MAGI2: variants seen among roughly 807,000 people sequenced by gnomAD.
MAGI2 encodes membrane-associated guanylate kinase, WW and PDZ domain-containing protein 2.
A neutral mutation model predicts 133.3 loss-of-function variants in MAGI2; 35 were observed. That is an observed-to-expected ratio of 0.26 (90% confidence interval 0.20 to 0.35). The LOEUF is 0.35. Ranked by LOEUF, MAGI2 falls within the 10% of genes least tolerant of loss-of-function variation. The probability of loss-of-function intolerance (pLI) is 1.00; values close to 1 mark genes in which losing one functional copy is unlikely to be tolerated. For missense variants in MAGI2, 1,636 were observed against 1,863.4 expected (o/e 0.88, Z 2.25); for synonymous variants, 729 against 710.6 (o/e 1.03, Z -0.41).
chr7:78,431,387 T>G (rs1799782822), intron 6 of MAGI2, among the ~76,000 whole-genome samples: 1 of 152,050 alleles, frequency 6.6e-6, no homozygotes, highest in South Asian at 2.1e-4. Context: ...GGTTGGTAAC[T>G]CACTTTTAAA....
At chr7:78,362,999 AG>A (rs1792985003) in intron 7 of MAGI2, among the ~76,000 whole-genome samples, 1 of 152,260 alleles carries the variant, frequency 6.6e-6, no homozygotes. Flanking sequence ...TGGATGTAAA[AG>A]CATATTAAAA....
At position 78,085,550 on chromosome 7, in the gene MAGI2, C is replaced by A. The variant is rs57914419; in HGVS notation, c.3568-6465G>T. Among the ~76,000 whole-genome samples, 213 of 121,014 alleles carry A rather than the reference C, an allele frequency of 1.8e-3. 1 individual carries two copies. The highest frequency in any genetic ancestry group is 8.4e-3 in the East Asian group (22 of 2,610). 79.4% of individuals were successfully genotyped at this position (121,014 alleles called of 152,430 possible). ...AAAACAAAACAAAATAATAAAACTC[C>A]CACACACACACACACACACACACAC... On this transcript the variant is annotated intron_variant, in intron 20 of 21. Coordinates refer to ENST00000354212, the MANE Select transcript of MAGI2 (RefSeq NM_012301.4).
intron 2 of MAGI2, among the ~76,000 whole-genome samples, chr7:79,005,154 C>G (rs1420348509): frequency 6.7e-6 from 1 of 149,776 alleles, no homozygotes; most frequent in African/African-American, 2.5e-5. Context: ...CAGTATAAAG[C>G]AATTTTTATA....
chr7:78,909,883 C>G (rs988187201), intron 2 of MAGI2, among the ~76,000 whole-genome samples: 5 of 152,144 alleles, frequency 3.3e-5, no homozygotes, highest in Admixed American at 2.0e-4. Context: ...ATGGAACCAA[C>G]CCAAATGCCC....
At chr7:78,529,318 G>A (rs1435235968) in intron 3 of MAGI2, among the ~76,000 whole-genome samples, 1 of 151,856 alleles carries the variant, frequency 6.6e-6, no homozygotes, top group East Asian at 1.9e-4. Flanking sequence ...GTTTGTTCAT[G>A]TAAAGGAAAT....
intron 7 of MAGI2, among the ~76,000 whole-genome samples, chr7:78,351,413 A>G (rs1436334748): frequency 2.0e-5 from 3 of 151,920 alleles, no homozygotes; most frequent in Non-Finnish European, 2.9e-5. Flanking sequence ...TACAACAGAA[A>G]AGTGTGAATA....
chr7:78,263,229 C>T (rs900603974), intron 9 of MAGI2, among the ~76,000 whole-genome samples: 13 of 152,122 alleles, frequency 8.5e-5, no homozygotes, highest in South Asian at 2.1e-4. Flanking sequence ...TTGGTAGGCA[C>T]CTAGATTGAT....
chr7:79,101,997 C>T (rs1014362706), intron 1 of MAGI2, among the ~76,000 whole-genome samples: 1 of 151,474 alleles, frequency 6.6e-6, no homozygotes, highest in African/African-American at 2.4e-5. Context: ...TGCTTTATAC[C>T]TTACATTTGT....
intron 2 of MAGI2, among the ~76,000 whole-genome samples, chr7:78,628,739 C>T (rs1264810626): frequency 1.3e-5 from 2 of 148,718 alleles, no homozygotes; most frequent in Non-Finnish European, 3.0e-5. Context: ...TTTCCTGCTG[C>T]TTTTATGCTA....
rs59398227 is a variant in MAGI2 at position 79,115,854 on chromosome 7, G to GTTTTTTT, written c.302-108655_302-108649dup. Among the ~76,000 whole-genome samples the GTTTTTTT allele has an allele frequency of 1.1e-3, 106 of 93,934 alleles. 5 individuals carry two copies. The highest frequency in any genetic ancestry group is 4.3e-3 in the African/African-American group (98 of 22,918). 61.6% of individuals were successfully genotyped at this position (93,934 alleles called of 152,430 possible). A position where few individuals can be genotyped will look rare whatever the true frequency, so the allele number is the denominator to read the frequency against. On this transcript the variant is annotated intron_variant, in intron 1 of 21. Transcript: ENST00000354212. ...TCTGAATTATTCTAAATGTTTTAAA[G>GTTTTTTT]TTTTTTTTTTTTTTTTTTTTTTTTT...
Position 79,087,516 on chromosome 7 carries a change from G to C in MAGI2, c.302-80310C>G, listed in dbSNP as rs181292754. ...TAAGTTTATGGAGCATTTAACAAAT[G>C]TTTAGTTGAGGCTTTTATAATGAGT... On this transcript the variant is annotated intron_variant, in intron 1 of 21. Coordinates refer to ENST00000354212, the MANE Select transcript of MAGI2 (RefSeq NM_012301.4). 2.5e-4 allele frequency among the ~76,000 whole-genome samples: 38 copies of C among 152,018 alleles called. No individual in the cohort carries two copies. The East Asian group carries it at 7.1e-3, about 29-fold the overall frequency.
chr7:79,243,058 A>G (rs1832545112), intron 1 of MAGI2, among the ~76,000 whole-genome samples: 1 of 152,134 alleles, frequency 6.6e-6, no homozygotes. Flanking sequence ...TCCACTAAAA[A>G]TACAAAAATT....
chr7:79,092,503 C>A (rs1444136216), intron 1 of MAGI2, among the ~76,000 whole-genome samples: 1 of 152,044 alleles, frequency 6.6e-6, no homozygotes, highest in African/African-American at 2.4e-5. Flanking sequence ...AAATCAATAG[C>A]AATATCAACA....
At chr7:78,193,014 C>T (rs1376971474) in intron 12 of MAGI2, among the ~76,000 whole-genome samples, 1 of 152,042 alleles carries the variant, frequency 6.6e-6, no homozygotes, top group Non-Finnish European at 1.5e-5. Context: ...GACTGGTTTG[C>T]TTGGTTTGTT....
intron 2 of MAGI2, among the ~76,000 whole-genome samples, chr7:78,826,960 C>T (rs1052880434): frequency 7.2e-5 from 11 of 151,982 alleles, no homozygotes; most frequent in African/African-American, 1.2e-4. Flanking sequence ...TGAGAGGCTA[C>T]AGACATGCAA....
chr7:78,081,626 G>T (rs1815983593), intron 20 of MAGI2, among the ~76,000 whole-genome samples: 1 of 152,264 alleles, frequency 6.6e-6, no homozygotes, highest in Non-Finnish European at 1.5e-5. Flanking sequence ...TGTAAAGGCT[G>T]CAAAGTTTGA....
chr7:78,370,646 G>C (rs978023502), intron 6 of MAGI2, among the ~76,000 whole-genome samples: 2 of 151,870 alleles, frequency 1.3e-5, no homozygotes, highest in Non-Finnish European at 2.9e-5. Flanking sequence ...CTCACTGAGA[G>C]TGTATGAGTG....
intron 21 of MAGI2, among the ~76,000 whole-genome samples, chr7:78,047,568 T>G (rs1563050536): frequency 6.6e-6 from 1 of 152,254 alleles, no homozygotes; most frequent in Non-Finnish European, 1.5e-5. Flanking sequence ...ATCTGGTAAC[T>G]GCAGCTCCTG....
chr7:78,385,826 C>G (rs905329329), intron 6 of MAGI2, among the ~76,000 whole-genome samples: 4 of 152,124 alleles, frequency 2.6e-5, no homozygotes, highest in Non-Finnish European at 5.9e-5. Flanking sequence ...AATTTTGAAT[C>G]ATATAATACC....
Sources: gnomAD v4.1 joint callset for allele counts (sites outside exome capture counted in the v4.1 genomes callset) on GRCh38, gnomAD v4.1.1 for gene constraint, MANE v1.5 for transcripts, NCBI Gene and HGNC (gene_info 2026-07-23, HGNC 2026-07-21) for gene names.